GNA14: variants seen among roughly 807,000 people sequenced by gnomAD.
GNA14 encodes guanine nucleotide-binding protein subunit alpha-14.
GNA14 carries 50 observed loss-of-function variants against 42.0 expected under a neutral mutation model. The observed-to-expected ratio is 1.19, with a 90% CI of 0.95 to 1.51. GNA14 has a LOEUF of 1.51. GNA14 is among the 40% of genes most tolerant of loss of function. The pLI, the probability that GNA14 is intolerant of heterozygous loss-of-function variation, is 0.00. For missense variants in GNA14, 473 were observed against 446.2 expected, an observed-to-expected ratio of 1.06 and a Z score of -0.54; for synonymous variants, 173 against 163.1, an observed-to-expected ratio of 1.06 and a Z score of -0.46.
chr9:77,474,165 C>T (rs1029551473), intron 2 of GNA14, among the ~76,000 whole-genome samples: 13 of 152,046 alleles, frequency 8.6e-5, no homozygotes, highest in Non-Finnish European at 1.6e-4. Flanking sequence ...TGGACTACAT[C>T]AAAATTAAAA....
In GNA14 at chr9:77,424,043, A is replaced by C; in HGVS notation, c.1004T>G (p.Phe335Cys). 6.2e-7 allele frequency: 1 copy of C among 1,611,186 alleles called. No individual in the cohort carries two copies. Among genetic ancestry groups the C allele is most frequent in the South Asian group, 1.1e-5 (1 of 90,322 alleles). The stretch of plus-strand genomic sequence containing the variant: ...TGTGTCTTTGACAGCAGCAAACACA[A>C]AGCGAATATTGTCTGTATCTGTAGC... ...TCATDTDNIR[F>C]VFAAVKDTIL... The change falls in exon 7 of 7, where the codon TTT becomes TGT. Residue 335 changes from phenylalanine to cysteine, a missense_variant. Physicochemically the swap from Phe to Cys is radical, Grantham distance 205 (BLOSUM62 -2). Transcript: ENST00000341700.
chr9:77,556,100 C>T (rs183332059), intron 1 of GNA14, among the ~76,000 whole-genome samples: 3 of 152,108 alleles, frequency 2.0e-5, no homozygotes, highest in Admixed American at 1.3e-4. Flanking sequence ...AAAAATTAGC[C>T]GGGCATGATG....
chr9:77,481,882 TTC>T (rs1836558746), intron 2 of GNA14, among the ~76,000 whole-genome samples: 1 of 152,194 alleles, frequency 6.6e-6, no homozygotes, highest in Non-Finnish European at 1.5e-5. Context: ...TCCTGCCTTT[TTC>T]TGTTTTCCAT....
intron 1 of GNA14, among the ~76,000 whole-genome samples, chr9:77,604,107 G>C (rs902049857): frequency 6.6e-6 from 1 of 151,396 alleles, no homozygotes; most frequent in African/African-American, 2.4e-5. Flanking sequence ...GTAAATATAA[G>C]ACTTCAGAGC....
intron 1 of GNA14, among the ~76,000 whole-genome samples, chr9:77,638,929 T>G (rs1330612524): frequency 6.6e-6 from 1 of 152,180 alleles, no homozygotes; most frequent in East Asian, 1.9e-4. Flanking sequence ...CATAGCCCTG[T>G]AGAATAAAGG....
At chr9:77,539,105 C>T (rs1487377198) in intron 1 of GNA14, among the ~76,000 whole-genome samples, 1 of 152,166 alleles carries the variant, frequency 6.6e-6, no homozygotes, top group Non-Finnish European at 1.5e-5. Flanking sequence ...GAAGAAAGAG[C>T]TTCACCTTGT....
chr9:77,433,093 A>T (rs1300792923), intron 3 of GNA14, among the ~76,000 whole-genome samples: 1 of 152,212 alleles, frequency 6.6e-6, no homozygotes, highest in Non-Finnish European at 1.5e-5. Context: ...ACACCAAAGG[A>T]AGCCCATTGA....
intron 3 of GNA14, among the ~76,000 whole-genome samples, chr9:77,431,861 T>A (rs1587756261): frequency 6.6e-6 from 1 of 152,142 alleles, no homozygotes; most frequent in Admixed American, 6.5e-5. Context: ...CATTATATAA[T>A]GGAGATGCTG....
intron 1 of GNA14, among the ~76,000 whole-genome samples, chr9:77,578,940 TA>T (rs1259241851): frequency 1.3e-5 from 2 of 152,172 alleles, no homozygotes; most frequent in African/African-American, 4.8e-5. Context: ...CTTGTGGGCC[TA>T]ACCAATGCTG....
chr9:77,577,531 G>C (rs1823147589), intron 1 of GNA14, among the ~76,000 whole-genome samples: 1 of 152,188 alleles, frequency 6.6e-6, no homozygotes, highest in African/African-American at 2.4e-5. Context: ...GGGTGGGGCA[G>C]CCCTCCCTCT....
chr9:77,539,700 G>A (rs895898600), intron 1 of GNA14, among the ~76,000 whole-genome samples: 4 of 152,078 alleles, frequency 2.6e-5, no homozygotes, highest in African/African-American at 9.7e-5. Context: ...TAATTGATTG[G>A]TTTAGGTTTT....
chr9:77,611,689 T>C (rs1564066252), intron 1 of GNA14, among the ~76,000 whole-genome samples: 1 of 152,150 alleles, frequency 6.6e-6, no homozygotes, highest in Non-Finnish European at 1.5e-5. Flanking sequence ...CGTATGATCA[T>C]CAGAGAAAAA....
intron 2 of GNA14, among the ~76,000 whole-genome samples, chr9:77,491,530 T>C (rs761707610): frequency 1.1e-4 from 16 of 152,210 alleles, no homozygotes; most frequent in Middle Eastern, 3.4e-3. Flanking sequence ...TCAGATAAAA[T>C]AGACTACAAA....
At chr9:77,445,566 A>AG (rs60316912) in intron 2 of GNA14, among the ~76,000 whole-genome samples, 1,605 of 151,342 alleles carry the variant, frequency 0.011, 33 homozygotes, top group African/African-American at 0.037. Context: ...AAAAAAAAAA[A>AG]AAAAAAAGAA....
chr9:77,585,711 A>G (rs1158724223), intron 1 of GNA14, among the ~76,000 whole-genome samples: 3 of 151,756 alleles, frequency 2.0e-5, no homozygotes, highest in African/African-American at 7.3e-5. Flanking sequence ...CAGGATTCTC[A>G]CCTCCCTTTT....
intron 1 of GNA14, among the ~76,000 whole-genome samples, chr9:77,536,535 G>C (rs911603553): frequency 6.6e-6 from 1 of 152,142 alleles, no homozygotes; most frequent in Non-Finnish European, 1.5e-5. Context: ...ATTTTTAGTA[G>C]AGACGGGGTT....
intron 2 of GNA14, among the ~76,000 whole-genome samples, chr9:77,499,158 A>G (rs1336889259): frequency 6.6e-6 from 1 of 152,210 alleles, no homozygotes; most frequent in South Asian, 2.1e-4. Flanking sequence ...GGTTCCTCAT[A>G]ACCCTTTAGC....
intron 2 of GNA14, among the ~76,000 whole-genome samples, chr9:77,505,642 G>A (rs1244043121): frequency 6.6e-6 from 1 of 152,218 alleles, no homozygotes; most frequent in Non-Finnish European, 1.5e-5. Context: ...CATGCTGTTT[G>A]CTAGTCAGAA....
At chr9:77,450,602 C>T (rs946067611) in intron 2 of GNA14, among the ~76,000 whole-genome samples, 1 of 151,776 alleles carries the variant, frequency 6.6e-6, no homozygotes, top group Admixed American at 6.6e-5. Flanking sequence ...CAAATGTTTC[C>T]ATCTGAGATC....
Sources: allele counts gnomAD v4.1 joint callset (sites outside exome capture counted in the v4.1 genomes callset), GRCh38; gene constraint gnomAD v4.1.1; transcripts MANE v1.5; gene names NCBI Gene and HGNC (gene_info 2026-07-23, HGNC 2026-07-21).